Variants in NCOR1 observed in about 807,000 individuals in gnomAD.
NCOR1 encodes the protein protein phosphatase 1, regulatory subunit 109.
In NCOR1, 63 loss-of-function variants were observed where a neutral mutation model predicts 288.1. The ratio of observed to expected loss-of-function variants is 0.22; its 90% CI spans 0.18 to 0.27. The LOEUF (loss-of-function observed/expected upper bound fraction) is 0.27, where lower values mean the gene tolerates loss of function less well. Ranked by LOEUF, NCOR1 falls within the 10% of genes least tolerant of loss-of-function variation. The probability of loss-of-function intolerance (pLI) is 1.00; values close to 1 mark genes in which losing one functional copy is unlikely to be tolerated. For synonymous variants in NCOR1, 1,007 were observed against 1,065.9 expected, an observed-to-expected ratio of 0.94 and a Z score of 1.08; for missense variants, 2,397 against 3,019.2, an observed-to-expected ratio of 0.79 and a Z score of 4.83.
intron 5 of NCOR1, among the ~76,000 whole-genome samples, chr17:16,159,338 G>C (rs1451369550): frequency 6.6e-6 from 1 of 150,670 alleles, no homozygotes; most frequent in East Asian, 2.0e-4. Flanking sequence ...ACTTGAACCC[G>C]GGAGGTGGAG....
At chr17:16,092,649 A>T (rs60812331) in intron 21 of NCOR1, among the ~76,000 whole-genome samples, 2,725 of 16,134 alleles carry the variant, frequency 0.17, 248 homozygotes, top group African/African-American at 0.41. Context: ...AGATCCATTT[A>T]TATATATATA....
rs2069364101 is a variant in NCOR1, at chr17:16,108,892, T to C, written c.2076A>G (p.Glu692=). The part of the protein sequence containing the change: ...HKQKTSRKPR[E]ERDVSQCESV... ...TTTCACATTGAGACACATCTCGCTC[T>C]TCACGAGGTTTTCGTGAAGTCTAAA... Residue 692 remains glutamate, a synonymous_variant, in exon 19 of 46, where the codon GAA becomes GAG. Coordinates refer to ENST00000268712, the MANE Select transcript of NCOR1 (RefSeq NM_006311.4). 6.3e-7 allele frequency: 1 copy of C among 1,594,494 alleles called. No individual in the cohort carries two copies. Among genetic ancestry groups the C allele is most frequent in the Non-Finnish European group, 8.5e-7 (1 of 1,169,824 alleles).
At chr17:16,044,587 G>C (rs376496381) in intron 42 of NCOR1, 2 of 543,514 alleles carry the variant, frequency 3.7e-6, no homozygotes, top group Admixed American at 4.4e-5. Context: ...CTACCACCAC[G>C]TCCGGCAGCG....
intron 19 of NCOR1, among the ~76,000 whole-genome samples, chr17:16,103,951 G>C (rs1033091879): frequency 3.9e-5 from 6 of 152,206 alleles, no homozygotes; most frequent in African/African-American, 1.4e-4. Context: ...TGGAGGTTGT[G>C]GTGAGCCGAG....
intron 18 of NCOR1, among the ~76,000 whole-genome samples, chr17:16,112,833 A>G (rs1162558869): frequency 6.6e-6 from 1 of 152,148 alleles, no homozygotes; most frequent in African/African-American, 2.4e-5. Context: ...CCAGATAGAC[A>G]CTTACTATAT....
rs189360333 is a variant in NCOR1 at position 16,177,928 on chromosome 17, C to T, written c.243-5933G>A. On this transcript the variant is annotated intron_variant, in intron 3 of 45. Coordinates refer to ENST00000268712, the MANE Select transcript of NCOR1 (RefSeq NM_006311.4). ...TTTTCTTTTTAAAAAACTCATGTTC[C>T]GCCAGGCACAGTGGCTCACGCCTGT... Among the ~76,000 whole-genome samples the T allele has an allele frequency of 1.4e-4, 21 of 152,156 alleles. No homozygotes were observed. In the East Asian group the frequency reaches 3.7e-3, roughly 27 times the overall value.
chr17:16,204,476 C>T (rs2091248593), intron 1 of NCOR1, among the ~76,000 whole-genome samples: 1 of 151,612 alleles, frequency 6.6e-6, no homozygotes, highest in South Asian at 2.1e-4. Context: ...AAAAGTCTTC[C>T]TCTCACTCAT....
intron 14 of NCOR1, among the ~76,000 whole-genome samples, chr17:16,136,145 T>C (rs779147502): frequency 3.9e-5 from 6 of 152,188 alleles, no homozygotes. Context: ...AACTAACCTT[T>C]TTCAGTTTTA....
intron 41 of NCOR1, among the ~76,000 whole-genome samples, chr17:16,047,653 G>T (rs1422407086): frequency 6.6e-6 from 1 of 151,872 alleles, no homozygotes; most frequent in Non-Finnish European, 1.5e-5. Flanking sequence ...TTAATATAAA[G>T]AGTTTCATAT....
chr17:16,197,330 A>G (rs1408408082), intron 1 of NCOR1, among the ~76,000 whole-genome samples: 1 of 152,144 alleles, frequency 6.6e-6, no homozygotes, highest in Non-Finnish European at 1.5e-5. Flanking sequence ...CCAAAAAAAA[A>G]AAAAGAACTT....
chr17:16,151,370 C>A (rs2078843614), intron 8 of NCOR1, among the ~76,000 whole-genome samples: 2 of 152,268 alleles, frequency 1.3e-5, no homozygotes, highest in East Asian at 3.9e-4. Flanking sequence ...AGCCTCGTCA[C>A]CCACAAGGTG....
chr17:16,153,190 A>G (rs181607105), intron 7 of NCOR1, 149 bp downstream of exon 7: 61 of 550,830 alleles, frequency 1.1e-4, no homozygotes, highest in African/African-American at 8.3e-4. Context: ...TTCACTCATC[A>G]TTACTTTAAA....
At position 16,127,574 on chromosome 17, in the gene NCOR1, TATACATATGTGTATATATGTATGTATAC is replaced by T. The variant is rs1301991552; in HGVS notation, c.1510-1396_1510-1369del. On this transcript the variant is annotated intron_variant, in intron 14 of 45. Coordinates refer to ENST00000268712, the MANE Select transcript of NCOR1 (RefSeq NM_006311.4). ...ACACATGTGTATATATGTATGTATA[TATACATATGTGTATATATGTATGTATAC>T]ATACATATGTGTATGTGTATATATA... Among the ~76,000 whole-genome samples, 5 of 137,998 alleles carry T rather than the reference TATACATATGTGTATATATGTATGTATAC, an allele frequency of 3.6e-5. 1 individual carries two copies. The highest frequency in any genetic ancestry group is 5.9e-5 in the African/African-American group (2 of 33,946). 90.5% of individuals were successfully genotyped at this position (137,998 alleles called of 152,430 possible). A position where few individuals can be genotyped will look rare whatever the true frequency, so the allele number is the denominator to read the frequency against.
chr17:16,121,099 G>A lies in NCOR1; in HGVS notation c.1805C>T (p.Ala602Val), dbSNP rs749634427. 1.5e-5 allele frequency: 24 copies of A among 1,614,074 alleles called. No individual in the cohort carries two copies. Among genetic ancestry groups the A allele is most frequent in the East Asian group, 2.2e-5 (1 of 44,878 alleles). Residue 602 changes from alanine (A) to valine (V), a missense_variant, in exon 16 of 46, where the codon GCG becomes GTG. Ala to Val is a moderately conservative substitution (Grantham distance 64). This residue lies in a region of NCOR1 where 113 missense variants were observed against 139.5 expected (regional missense o/e 0.81). Transcript: ENST00000268712. ...AGGTGGTGGGGGCTCTTCAGTAGCC[G>A]CTGCGGCTGCAGCACTGGCAGCTGC... ...EAAAASAAAAAATEEPPPPLP... is the reference protein window; with the variant it reads ...EAAAASAAAAVATEEPPPPLP...
At position 16,057,926 on chromosome 17, in the gene NCOR1, G is replaced by T; in HGVS notation, c.6149C>A (p.Thr2050Lys). 1 of 1,611,090 alleles carries T rather than the reference G, an allele frequency of 6.2e-7. No homozygotes were observed. Among genetic ancestry groups the T allele is most frequent in the Non-Finnish European group, 8.5e-7 (1 of 1,178,376 alleles). ...GQVPRTHRLITLADHICQIIT... is the reference protein window; with the variant it reads ...GQVPRTHRLIKLADHICQIIT... Reference sequence around the variant, plus strand: ...ACTTACACAGATGTGATCAGCAAGTGTGATCAGCCGATGGGTCCTGGGCAC... The same window carrying T: ...ACTTACACAGATGTGATCAGCAAGTTTGATCAGCCGATGGGTCCTGGGCAC... The change falls in exon 39 of 46, where the codon ACA (threonine) becomes AAA (lysine). Residue 2050 changes from threonine (T) to lysine (K), a missense_variant. This residue lies in a region of NCOR1 where 1,872 missense variants were observed against 2,187.8 expected (regional missense o/e 0.86). Transcript: ENST00000268712.
At chr17:16,140,655 T>TA (rs1188394495) in intron 11 of NCOR1, among the ~76,000 whole-genome samples, 3 of 152,030 alleles carry the variant, frequency 2.0e-5, no homozygotes, top group Non-Finnish European at 4.4e-5. Context: ...TTCTACTAAA[T>TA]ATACAAAAAT....
intron 4 of NCOR1, among the ~76,000 whole-genome samples, chr17:16,167,254 C>T (rs1023900857): frequency 1.3e-5 from 2 of 152,024 alleles, no homozygotes; most frequent in Admixed American, 6.6e-5. Context: ...CCTCAAGTGC[C>T]TACTTACATA....
At chr17:16,075,476 GC>G (rs2152768407) in intron 27 of NCOR1, 57 bp downstream of exon 27, 1 of 1,563,622 alleles carries the variant, frequency 6.4e-7, no homozygotes, top group East Asian at 2.3e-5. Flanking sequence ...GAAAACCCAA[GC>G]CTATGTTTTT....
Position 16,070,280 on chromosome 17 carries a change from A to G in NCOR1, c.4398T>C (p.Ala1466=). 4.3e-6 allele frequency: 7 copies of G among 1,614,064 alleles called. No homozygotes were observed. Among genetic ancestry groups the G allele is most frequent in the South Asian group, 1.1e-5 (1 of 91,072 alleles). Residue 1466 remains alanine (A), a synonymous_variant, in exon 31 of 46, where the codon GCT becomes GCC. Transcript: ENST00000268712. ...TCCCAGGGCTCAGTTGTGCTTTGGGAGCTTCATGCAGTGTGGACCTAAGAA... is the reference window on the plus strand; with the variant it reads ...TCCCAGGGCTCAGTTGTGCTTTGGGGGCTTCATGCAGTGTGGACCTAAGAA... ...PSVLRSTLHE[A]PKAQLSPGIY...
Sources: allele counts gnomAD v4.1 joint callset (sites outside exome capture counted in the v4.1 genomes callset), GRCh38; gene constraint gnomAD v4.1.1; regional missense constraint gnomAD v4.1.1; transcripts MANE v1.5; gene names NCBI Gene and HGNC (gene_info 2026-07-23, HGNC 2026-07-21).